ANKS1B: variants seen among roughly 807,000 people sequenced by gnomAD.
ANKS1B encodes ankyrin repeat and sterile alpha motif domain containing 1B.
A neutral mutation model predicts 148.3 loss-of-function variants in ANKS1B; 36 were observed. The ratio of observed to expected loss-of-function variants is 0.24; its 90% CI spans 0.19 to 0.32. The LOEUF (loss-of-function observed/expected upper bound fraction) is 0.32, where lower values mean the gene tolerates loss of function less well. Among genes scored for constraint, ANKS1B ranks in the 10% least tolerant of loss-of-function variants. The pLI is 1.00. For synonymous variants in ANKS1B, 542 were observed against 560.8 expected, an observed-to-expected ratio of 0.97 and a Z score of 0.47; for missense variants, 1,157 against 1,542.6, an observed-to-expected ratio of 0.75 and a Z score of 4.19.
At chr12:98,990,898 T>C (rs995108350) in intron 17 of ANKS1B, among the ~76,000 whole-genome samples, 19 of 138,148 alleles carry the variant, frequency 1.4e-4, no homozygotes, top group African/African-American at 2.1e-4. Flanking sequence ...CATGACCCAA[T>C]TGAGATTATG....
intron 9 of ANKS1B, among the ~76,000 whole-genome samples, chr12:99,625,498 C>A (rs1213339137): frequency 1.3e-5 from 2 of 152,072 alleles, no homozygotes. Context: ...AAATTTATAT[C>A]ACTGCATCCT....
At chr12:98,994,042 C>A (rs1719374337) in intron 17 of ANKS1B, among the ~76,000 whole-genome samples, 1 of 152,144 alleles carries the variant, frequency 6.6e-6, no homozygotes, top group African/African-American at 2.4e-5. Context: ...TACTTTTACA[C>A]AATGTTCCTG....
intron 12 of ANKS1B, among the ~76,000 whole-genome samples, chr12:99,272,008 T>TC (rs934549599): frequency 1.9e-4 from 29 of 152,104 alleles, no homozygotes; most frequent in African/African-American, 6.7e-4. Flanking sequence ...TTTTTGTCTT[T>TC]CAGTTGGGAG....
At chr12:99,897,650 A>G (rs1008915566) in intron 1 of ANKS1B, among the ~76,000 whole-genome samples, 1 of 151,088 alleles carries the variant, frequency 6.6e-6, no homozygotes, top group Non-Finnish European at 1.5e-5. Context: ...CTAAAAAGCA[A>G]CACTGTGCTT....
intron 14 of ANKS1B, among the ~76,000 whole-genome samples, chr12:99,238,808 C>T (rs1434607573): frequency 6.6e-6 from 1 of 152,152 alleles, no homozygotes; most frequent in Non-Finnish European, 1.5e-5. Flanking sequence ...CTCCAGCAGA[C>T]CTGCAGCTGA....
At chr12:99,282,401 C>T (rs2078587666) in intron 12 of ANKS1B, among the ~76,000 whole-genome samples, 1 of 152,054 alleles carries the variant, frequency 6.6e-6, no homozygotes, top group Admixed American at 6.6e-5. Context: ...TTTTATAGGG[C>T]TTCTGGTTTT....
At chr12:99,313,342 A>G (rs1234229774) in intron 12 of ANKS1B, among the ~76,000 whole-genome samples, 1 of 152,200 alleles carries the variant, frequency 6.6e-6, no homozygotes, top group Non-Finnish European at 1.5e-5. Flanking sequence ...AGAAGTACAA[A>G]GAGGAGCTGG....
chr12:99,733,501 TTA>T (rs2059356601), intron 8 of ANKS1B, among the ~76,000 whole-genome samples: 1 of 152,192 alleles, frequency 6.6e-6, no homozygotes, highest in African/African-American at 2.4e-5. Flanking sequence ...TGAGGAGAAA[TTA>T]CAATGTTCTA....
chr12:98,978,158 G>A (rs915807526), intron 17 of ANKS1B, among the ~76,000 whole-genome samples: 5 of 151,674 alleles, frequency 3.3e-5, no homozygotes, highest in South Asian at 2.1e-4. Flanking sequence ...TATATTTAAC[G>A]TAGTTGTTGA....
intron 12 of ANKS1B, among the ~76,000 whole-genome samples, chr12:99,358,219 T>C: frequency 6.6e-6 from 1 of 152,126 alleles, no homozygotes; most frequent in Non-Finnish European, 1.5e-5. Context: ...ATTTTCTTTA[T>C]AATTAGTTGC....
chr12:99,037,676 C>T (rs2099956388), intron 17 of ANKS1B, among the ~76,000 whole-genome samples: 4 of 152,118 alleles, frequency 2.6e-5, no homozygotes, highest in African/African-American at 7.2e-5. Context: ...TGTGTTTTAG[C>T]GTCTGATTTT....
At chr12:99,533,752 G>T (rs116989677) in intron 9 of ANKS1B, among the ~76,000 whole-genome samples, 3,107 of 152,134 alleles carry the variant, frequency 0.02, 39 homozygotes, top group Non-Finnish European at 0.032. Flanking sequence ...GCTCCATTTG[G>T]TGTTTCATTT....
intron 8 of ANKS1B, among the ~76,000 whole-genome samples, chr12:99,723,277 A>G (rs1255455173): frequency 6.6e-6 from 1 of 152,218 alleles, no homozygotes; most frequent in Non-Finnish European, 1.5e-5. Flanking sequence ...GAAGGGTGGC[A>G]GCCATCTCTA....
At chr12:99,393,206 C>T (rs537671416) in intron 12 of ANKS1B, among the ~76,000 whole-genome samples, 3 of 152,126 alleles carry the variant, frequency 2.0e-5, no homozygotes, top group East Asian at 1.9e-4. Context: ...AACTGTTACC[C>T]GAGGAAAGAA....
chr12:99,244,320 A>T (rs778892180), intron 14 of ANKS1B, 22 bp downstream of exon 14: 32 of 1,555,846 alleles, frequency 2.1e-5, no homozygotes, highest in Middle Eastern at 1.7e-4. Context: ...ATTCATTATA[A>T]TGTAGAGGAA....
chr12:99,087,934 CAGTAAGAGAGG>C (rs1363867583), intron 15 of ANKS1B, among the ~76,000 whole-genome samples: 1 of 143,778 alleles, frequency 7.0e-6, no homozygotes, highest in African/African-American at 2.6e-5. Flanking sequence ...TTCTGTATCT[CAGTAAGAGAGG>C]AGTCCTTTTG....
chr12:99,490,522 A>ACC (rs2152965123), intron 10 of ANKS1B, among the ~76,000 whole-genome samples: 1 of 152,348 alleles, frequency 6.6e-6, no homozygotes, highest in African/African-American at 2.4e-5. Flanking sequence ...ATCTGTTAAT[A>ACC]CCCAAAAATA....
chr12:98,815,142 C>A (rs996353531), intron 19 of ANKS1B, among the ~76,000 whole-genome samples: 3 of 152,188 alleles, frequency 2.0e-5, no homozygotes, highest in Non-Finnish European at 2.9e-5. Context: ...TTTCCTGGAG[C>A]ATTCTCAGAA....
chr12:99,865,952 C>T (rs924416859), intron 1 of ANKS1B, among the ~76,000 whole-genome samples: 6 of 152,206 alleles, frequency 3.9e-5, no homozygotes, highest in Non-Finnish European at 7.4e-5. Flanking sequence ...CTGTGCTCCT[C>T]TAACCAGTAA....
Sources: gnomAD v4.1 joint callset for allele counts (sites outside exome capture counted in the v4.1 genomes callset) on GRCh38, gnomAD v4.1.1 for gene constraint, MANE v1.5 for transcripts, NCBI Gene and HGNC (gene_info 2026-07-23, HGNC 2026-07-21) for gene names.